Variants in WDR86 observed in about 807,000 individuals in gnomAD.
WDR86 encodes WD repeat domain 86, also known as WD repeat-containing protein 86.
Under a neutral mutation model 36.5 loss-of-function variants are expected in WDR86, and 30 were observed. That is an observed-to-expected ratio of 0.82 (90% CI 0.61 to 1.11). WDR86 has a LOEUF of 1.11. WDR86 is among the 50% of genes most tolerant of loss of function. The pLI, the probability that WDR86 is intolerant of heterozygous loss-of-function variation, is 0.00. For synonymous variants in WDR86, 255 were observed against 252.9 expected, an observed-to-expected ratio of 1.01 and a Z score of -0.08; for missense variants, 545 against 561.2, an observed-to-expected ratio of 0.97 and a Z score of 0.29.
chr7:151,396,541 TG>T (rs200731615), intron 2 of WDR86, among the ~76,000 whole-genome samples: 2,475 of 151,002 alleles, frequency 0.016, 59 homozygotes, highest in African/African-American at 0.055. Flanking sequence ...GGGAAGCGGG[TG>T]GGGGGGAAGG....
At chr7:151,403,782 T>TA (rs1800512442) in intron 1 of WDR86, among the ~76,000 whole-genome samples, 1 of 152,232 alleles carries the variant, frequency 6.6e-6, no homozygotes, top group Non-Finnish European at 1.5e-5. Flanking sequence ...GTCAATAAAC[T>TA]TTCCCTGGGA....
chr7:151,407,657 G>A (rs1001812666), intron 1 of WDR86, among the ~76,000 whole-genome samples: 1 of 152,154 alleles, frequency 6.6e-6, no homozygotes, highest in Non-Finnish European at 1.5e-5. Context: ...TGGCCAACAT[G>A]ATGAAGCCCC....
At position 151,396,035 on chromosome 7, in the gene WDR86, C is replaced by A. The variant is rs1413101934; in HGVS notation, c.467G>T (p.Cys156Phe). ...CCCCCCGGCCGCGGCCTCCTCCGCG[C>A]AGGGAGTGCTGGGGAGGTCCCACGG... Reference protein sequence around the residue: ...SAPWDLPSTPCAEEAAAGGLL... With the variant: ...SAPWDLPSTPFAEEAAAGGLL... The change falls in exon 3 of 6, where the codon TGC (cysteine) becomes TTC (phenylalanine). Residue 156 changes from cysteine (C) to phenylalanine (F), a missense_variant. Cys to Phe is a radical substitution (Grantham distance 205). Transcript: ENST00000334493. 6.2e-6 allele frequency: 10 copies of A among 1,609,554 alleles called. No homozygotes were observed. Among genetic ancestry groups the A allele is most frequent in the Non-Finnish European group, 6.8e-6 (8 of 1,178,176 alleles).
rs1434551754 is a variant in WDR86 at position 151,405,122 on chromosome 7, C to T, written c.163+4305G>A. ...TGAGCCTTCCTCTGCTCCCCAATCC[C>T]CCTCTTTTCCACCCTGCCACCGCCA... On this transcript the variant is annotated intron_variant, in intron 1 of 5. Coordinates refer to ENST00000334493, the MANE Select transcript of WDR86 (RefSeq NM_198285.3). This position sits in a 1 kb window ranked among gnomAD's most constrained non-coding sequence, Gnocchi z 4.7. Among the ~76,000 whole-genome samples the T allele has an allele frequency of 2.0e-5, 3 of 152,104 alleles. No homozygotes were observed. Among genetic ancestry groups the T allele is most frequent in the Non-Finnish European group, 4.4e-5 (3 of 68,000 alleles).
At position 151,385,179 on chromosome 7, in the gene WDR86, G is replaced by T; in HGVS notation, c.771C>A (p.Val257=). 4.3e-6 allele frequency: 7 copies of T among 1,613,082 alleles called. No individual in the cohort carries two copies. Among genetic ancestry groups the T allele is most frequent in the Non-Finnish European group, 5.9e-6 (7 of 1,179,896 alleles). Residue 257 remains valine (V), a synonymous_variant, in exon 4 of 6, where the codon GTC becomes GTA. Coordinates refer to ENST00000334493, the MANE Select transcript of WDR86 (RefSeq NM_198285.3). ...CCCCTGTGTCTGCCAGCCAGCACTT[G>T]ACGGTCCTGTCCGCGCTGCCAGAGT... ...LVYSGSADRT[V]KCWLADTGEC... is the part of the protein sequence containing the mutation.
At chr7:151,396,936 C>T (rs1033589315) in intron 2 of WDR86, among the ~76,000 whole-genome samples, 1 of 152,248 alleles carries the variant, frequency 6.6e-6, no homozygotes, top group Non-Finnish European at 1.5e-5. Context: ...TGCAACTGAC[C>T]AACATGGGAG....
chr7:151,383,553 G>C (rs1170324457), intron 4 of WDR86, among the ~76,000 whole-genome samples: 1 of 152,064 alleles, frequency 6.6e-6, no homozygotes, highest in East Asian at 1.9e-4. Context: ...CTGAGCTCAA[G>C]AGATCCTCCC....
chr7:151,397,624 GGTGTA>G (rs1799919550), intron 2 of WDR86, among the ~76,000 whole-genome samples: 2 of 150,582 alleles, frequency 1.3e-5, no homozygotes, highest in African/African-American at 2.4e-5. Flanking sequence ...GGAGGAAGAG[GGTGTA>G]GCGGGAGGAA....
intron 4 of WDR86, among the ~76,000 whole-genome samples, chr7:151,384,229 G>T (rs1423734197): frequency 6.6e-6 from 1 of 152,188 alleles, no homozygotes; most frequent in Admixed American, 6.5e-5. Flanking sequence ...GAGACCTGTA[G>T]GACAGACAGC....
chr7:151,400,244 G>A lies in WDR86; in HGVS notation c.164-3C>T. 6.3e-7 allele frequency: 1 copy of A among 1,599,418 alleles called. No homozygotes were observed. On this transcript the variant is annotated splice_region_variant and splice_polypyrimidine_tract_variant and intron_variant, in intron 1 of 5. Transcript: ENST00000334493. ...GAAGGTCACATAGCTTTCATGTCCTGCAGATGAGGGACAGGGGAGATGTGA... is the reference window on the plus strand; with the variant it reads ...GAAGGTCACATAGCTTTCATGTCCTACAGATGAGGGACAGGGGAGATGTGA...
At chr7:151,382,653 T>C (rs977106055) in intron 4 of WDR86, among the ~76,000 whole-genome samples, 1 of 152,246 alleles carries the variant, frequency 6.6e-6, no homozygotes, top group African/African-American at 2.4e-5. Context: ...TAAGTGATGC[T>C]GCTGCTAGTC....
downstream of WDR86, among the ~76,000 whole-genome samples, chr7:151,375,102 G>A (rs1798153971): frequency 6.6e-6 from 1 of 152,138 alleles, no homozygotes; most frequent in Admixed American, 6.5e-5. Flanking sequence ...GCGGGTGTGG[G>A]TGCAGCAGGC....
rs1181770299 is a variant in WDR86 at position 151,409,063 on chromosome 7, A to G, written c.163+364T>C. ...AGAGGCCACAAGGCACCTAGAGACA[A>G]GGGAAGGTTTGCTTAGAAGGAGTAT... On this transcript the variant is annotated intron_variant, in intron 1 of 5. Coordinates refer to ENST00000334493, the MANE Select transcript of WDR86 (RefSeq NM_198285.3). This position sits in a 1 kb window ranked among gnomAD's most constrained non-coding sequence, Gnocchi z 5.2. 1.1e-5 allele frequency: 6 copies of G among 524,056 alleles called. No individual in the cohort carries two copies. Among genetic ancestry groups the G allele is most frequent in the Non-Finnish European group, 2.3e-5 (6 of 262,136 alleles). The allele number at this position is 524,056 out of a possible 1,614,324, so 32.5% of individuals were successfully genotyped here.
intron 1 of WDR86, 141 bp from the exon 2 acceptor site, chr7:151,400,382 T>A (rs1224911855): frequency 3.1e-6 from 3 of 971,262 alleles, no homozygotes; most frequent in African/African-American, 3.4e-5. Flanking sequence ...GCATTAGTTT[T>A]GTTTTGTTTT....
At chr7:151,407,973 T>C (rs951935870) in intron 1 of WDR86, among the ~76,000 whole-genome samples, 4 of 152,084 alleles carry the variant, frequency 2.6e-5, no homozygotes, top group Non-Finnish European at 4.4e-5. Context: ...CAGTCTTATG[T>C]TTGGGAGCAA....
At chr7:151,404,361 C>G (rs1034586869) in intron 1 of WDR86, among the ~76,000 whole-genome samples, 8 of 152,220 alleles carry the variant, frequency 5.3e-5, no homozygotes, top group Non-Finnish European at 7.3e-5. Flanking sequence ...AGGCCTCTTC[C>G]CCTGGGTTTC....
the WDR86 span, chr7:151,369,113 T>G: frequency 2.8e-6 from 1 of 356,736 alleles, no homozygotes; most frequent in Non-Finnish European, 5.0e-6. Context: ...GTTCAAGCAA[T>G]TCTCGTGCCT....
Position 151,409,896 on chromosome 7 carries a change from C to T in WDR86, c.-307G>A. 1 of 1,136,218 alleles carries T rather than the reference C, an allele frequency of 8.8e-7. No individual in the cohort carries two copies. Among genetic ancestry groups the T allele is most frequent in the South Asian group, 4.3e-5 (1 of 23,004 alleles). The allele number at this position is 1,136,218 out of a possible 1,614,324, so 70.4% of individuals were successfully genotyped here. A position where few individuals can be genotyped will look rare whatever the true frequency, so the allele number is the denominator to read the frequency against. The stretch of plus-strand genomic sequence containing the variant: ...CAGCACCGCTCGGAGGATCCACACC[C>T]CACCGGGCGAACAAGGCAGCTGCGT... On this transcript the variant is annotated 5_prime_UTR_variant, in exon 1 of 6. Transcript: ENST00000334493. This position sits in a 1 kb window ranked among gnomAD's most constrained non-coding sequence, Gnocchi z 5.2.
At chr7:151,377,217 A>G (rs2150730287), downstream of WDR86, 1 of 1,536,226 alleles carries the variant, frequency 6.5e-7, no homozygotes, top group Non-Finnish European at 8.8e-7. Context: ...AGCAACAAAG[A>G]AAAACTAAAT....
Sources: gnomAD v4.1 joint callset for allele counts (sites outside exome capture counted in the v4.1 genomes callset) on GRCh38, gnomAD v4.1.1 for gene constraint, Gnocchi (gnomAD v3.1) non-coding constraint, MANE v1.5 for transcripts, NCBI Gene and HGNC (gene_info 2026-07-23, HGNC 2026-07-21) for gene names.